The following PDK3 variants were observed in gnomAD, a reference collection of about 807,000 sequenced individuals.
PDK3 encodes the protein pyruvate dehydrogenase kinase, isozyme 3.
In PDK3, 12 loss-of-function variants were observed where a neutral mutation model predicts 32.0. That is an observed-to-expected ratio of 0.37 (90% CI 0.24 to 0.61). PDK3 has a LOEUF of 0.61. PDK3 is among the 20% of genes least tolerant of loss of function. The probability of loss-of-function intolerance (pLI) is 0.65; values close to 1 mark genes in which losing one functional copy is unlikely to be tolerated. For missense variants in PDK3, 188 were observed against 316.9 expected, an observed-to-expected ratio of 0.59 and a Z score of 3.09; for synonymous variants, 122 against 116.3, an observed-to-expected ratio of 1.05 and a Z score of -0.31.
At chrX:24,481,493 C>T (rs1921260234) in intron 1 of PDK3, among the ~76,000 whole-genome samples, 1 of 112,074 alleles carries the variant, frequency 8.9e-6, no homozygotes, top group Non-Finnish European at 1.9e-5. Context: ...TCAGTGGGAA[C>T]TTGAGCTTAG....
intron 5 of PDK3, among the ~76,000 whole-genome samples, chrX:24,516,669 G>A (rs939793450): frequency 2.7e-5 from 3 of 111,756 alleles, no homozygotes; most frequent in African/African-American, 9.8e-5. Context: ...TGGTTGCCTA[G>A]GGCTGGGTGG....
intron 9 of PDK3, among the ~76,000 whole-genome samples, chrX:24,529,573 C>T (rs1922599154): frequency 9.0e-6 from 1 of 110,691 alleles, no homozygotes; most frequent in African/African-American, 3.3e-5. Flanking sequence ...GCCTGGCCAA[C>T]ATGGTGAAAC....
chrX:24,480,753 T>C (rs900718986), intron 1 of PDK3, among the ~76,000 whole-genome samples: 7 of 112,333 alleles, frequency 6.2e-5, no homozygotes, highest in African/African-American at 9.7e-5. Flanking sequence ...CTAAGAAGCA[T>C]TGGGAAATTG....
chrX:24,488,004 CAAAAAAAAAAAA>C (rs34710130), intron 1 of PDK3, among the ~76,000 whole-genome samples: 1 of 27,476 alleles, frequency 3.6e-5, no homozygotes, highest in Non-Finnish European at 6.5e-5. Flanking sequence ...AACTCCATCT[CAAAAAAAAAAAA>C]AAAAAAAAAA....
chrX:24,502,556 C>T (rs756733619), intron 3 of PDK3, among the ~76,000 whole-genome samples: 6 of 111,749 alleles, frequency 5.4e-5, no homozygotes, highest in South Asian at 3.7e-4. Flanking sequence ...TTTACTGCTG[C>T]GAGATATTTA....
intron 2 of PDK3, among the ~76,000 whole-genome samples, chrX:24,497,577 C>G (rs1238296864): frequency 8.8e-6 from 1 of 113,134 alleles, no homozygotes; most frequent in Non-Finnish European, 1.9e-5. Flanking sequence ...TGAGCTAACA[C>G]GCCCAGCCCC....
At chrX:24,523,599 A>G (rs1460153965) in intron 6 of PDK3, among the ~76,000 whole-genome samples, 2 of 112,485 alleles carry the variant, frequency 1.8e-5, no homozygotes, top group East Asian at 5.6e-4. Context: ...GCATGGAGGG[A>G]TGACGGGAGG....
chrX:24,549,446 G>A (rs1002789441), exon 12 of PDK3: 1 of 112,211 alleles, frequency 8.9e-6, no homozygotes. Context: ...GAAATGTAAA[G>A]TATGGAGTGT....
intron 2 of PDK3, 21 bp downstream of exon 2, chrX:24,494,904 A>G: frequency 8.5e-7 from 1 of 1,182,920 alleles, no homozygotes; most frequent in Non-Finnish European, 1.1e-6. Flanking sequence ...AATGTGGCTT[A>G]AAATGGATCT....
intron 2 of PDK3, among the ~76,000 whole-genome samples, chrX:24,496,362 C>T (rs1281305101): frequency 1.8e-5 from 2 of 109,727 alleles, no homozygotes; most frequent in East Asian, 5.7e-4. Flanking sequence ...ATATATGGTA[C>T]ACACACCCAT....
Position 24,505,224 on chromosome X carries a change from G to A in PDK3, c.521G>A (p.Gly174Asp). 8.3e-7 allele frequency: 1 copy of A among 1,202,236 alleles called. No homozygotes were observed. The highest frequency in any genetic ancestry group is 1.1e-6 in the Non-Finnish European group (1 of 888,973). The change falls in exon 5 of 11, where the codon GGT (glycine) becomes GAT (aspartate). Residue 174 changes from glycine (G) to aspartate (D), a missense_variant. Transcript: ENST00000379162. ...LINQHTLLFG[G>D]DTNPVHPKHI... ...GTTCGTCTAGCACTTCTGTTTGGGGGTGACACTAATCCTGTTCATCCTAAA... is the reference window on the plus strand; with the variant it reads ...GTTCGTCTAGCACTTCTGTTTGGGGATGACACTAATCCTGTTCATCCTAAA...
At chrX:24,523,678 A>G (rs1922453004) in intron 6 of PDK3, among the ~76,000 whole-genome samples, 2 of 112,211 alleles carry the variant, frequency 1.8e-5, no homozygotes, top group South Asian at 7.4e-4. Flanking sequence ...ACAACCTAGG[A>G]AGAATTAGGG....
chrX:24,509,457 G>A (rs1201515825), intron 5 of PDK3, among the ~76,000 whole-genome samples: 1 of 110,913 alleles, frequency 9.0e-6, no homozygotes, highest in East Asian at 2.8e-4. Flanking sequence ...CACTTCTTGT[G>A]CCCTTTTGTG....
chrX:24,537,117 C>CTTTTTTTTTTT (rs34294652), downstream of PDK3, among the ~76,000 whole-genome samples: 7 of 82,734 alleles, frequency 8.5e-5, no homozygotes, highest in African/African-American at 1.4e-4. Flanking sequence ...CTTTTCTTTT[C>CTTTTTTTTTTT]TTTTTTTTTT....
chrX:24,540,843 T>TA (rs199895709), exon 12 of PDK3, among the ~76,000 whole-genome samples: 6,191 of 70,704 alleles, frequency 0.088, 459 homozygotes, highest in South Asian at 0.23. Flanking sequence ...ATAAAAGATG[T>TA]AAAAAAAAAA....
At chrX:24,526,377 T>G in intron 7 of PDK3, 103 bp downstream of exon 7, 1 of 491,090 alleles carries the variant, frequency 2.0e-6, no homozygotes, top group Non-Finnish European at 3.4e-6. Context: ...AGGTTTTGCA[T>G]AACCATTTTA....
intron 1 of PDK3, among the ~76,000 whole-genome samples, chrX:24,466,278 T>G (rs2148176998): frequency 8.9e-6 from 1 of 112,202 alleles, no homozygotes; most frequent in East Asian, 2.8e-4. Flanking sequence ...CCAAAGAAGA[T>G]TCGGGTTCCC....
At position 24,492,441 on chromosome X, in the gene PDK3, T is replaced by A. The variant is rs972840429; in HGVS notation, c.107-2301T>A. Among the ~76,000 whole-genome samples, 7 of 109,479 alleles carry A rather than the reference T, an allele frequency of 6.4e-5. No individual in the cohort carries two copies. In the Admixed American group the frequency reaches 6.9e-4, roughly 11 times the overall value. ...CTATCTCTACTGAAAACACAAAAATTAGCCAAGCATTGTGACGGGCGCCTG... is the reference window on the plus strand; with the variant it reads ...CTATCTCTACTGAAAACACAAAAATAAGCCAAGCATTGTGACGGGCGCCTG... On this transcript the variant is annotated intron_variant, in intron 1 of 10. Coordinates refer to ENST00000379162, the MANE Select transcript of PDK3 (RefSeq NM_005391.5).
At chrX:24,531,995 G>A (rs1339741577) in intron 10 of PDK3, among the ~76,000 whole-genome samples, 1 of 112,213 alleles carries the variant, frequency 8.9e-6, no homozygotes, top group African/African-American at 3.2e-5. Context: ...GCCGGGCGTG[G>A]TGGCACATGC....
Sources: gnomAD v4.1 joint callset for allele counts (sites outside exome capture counted in the v4.1 genomes callset) on GRCh38, gnomAD v4.1.1 for gene constraint, MANE v1.5 for transcripts, NCBI Gene and HGNC (gene_info 2026-07-23, HGNC 2026-07-21) for gene names.